Variants in SCLT1 observed in about 807,000 individuals in gnomAD.
SCLT1 encodes sodium channel and clathrin linker 1, also known as sodium channel-associated protein 1.
SCLT1 carries 78 observed loss-of-function variants against 112.8 expected under a neutral mutation model. The observed-to-expected ratio is 0.69, with a 90% CI of 0.58 to 0.83. The LOEUF (loss-of-function observed/expected upper bound fraction) is 0.83. Ranked by LOEUF, SCLT1 falls within the 40% of genes least tolerant of loss-of-function variation. SCLT1 has a pLI of 0.00. For missense variants in SCLT1, 747 were observed against 770.4 expected, an observed-to-expected ratio of 0.97 and a Z score of 0.36; for synonymous variants, 257 against 254.7, an observed-to-expected ratio of 1.01 and a Z score of -0.09.
chr4:128,957,090 A>C lies in SCLT1; in HGVS notation c.1082T>G (p.Ile361Arg), dbSNP rs772529142. ...LLEEKQKEED[I>R]EKMKETVSRF... ...AGAAACTGTCTCTTTCATTTTCTCT[A>C]TGTCTTCTTCTTTTTGCTTCTCCTC... Residue 361 changes from isoleucine (I) to arginine (R), a missense_variant, in exon 13 of 21, where the codon ATA becomes AGA. Ile to Arg is a moderately conservative substitution (Grantham distance 97, BLOSUM62 -3). Transcript: ENST00000281142. The C allele has an allele frequency of 1.9e-5, 30 of 1,601,582 alleles. No individual in the cohort carries two copies. The highest frequency in any genetic ancestry group is 4.5e-5 in the East Asian group (2 of 44,434).
chr4:128,951,986 A>G (rs1329746217), intron 14 of SCLT1, among the ~76,000 whole-genome samples: 4 of 152,130 alleles, frequency 2.6e-5, no homozygotes, highest in Non-Finnish European at 4.4e-5. Context: ...ATTTAAAAAT[A>G]TACTCTGCAA....
At chr4:129,038,635 C>T (rs1747402344) in intron 5 of SCLT1, among the ~76,000 whole-genome samples, 1 of 152,054 alleles carries the variant, frequency 6.6e-6, no homozygotes, top group African/African-American at 2.4e-5. Context: ...CCAGCACTGG[C>T]AACATTTTAA....
intron 18 of SCLT1, among the ~76,000 whole-genome samples, chr4:128,911,464 A>G (rs1735094039): frequency 6.6e-6 from 1 of 152,192 alleles, no homozygotes; most frequent in Non-Finnish European, 1.5e-5. Flanking sequence ...ATAATTATAG[A>G]GGAATTAATA....
intron 18 of SCLT1, among the ~76,000 whole-genome samples, chr4:128,933,748 T>C (rs1019860639): frequency 9.9e-5 from 15 of 152,130 alleles, no homozygotes; most frequent in African/African-American, 3.6e-4. Flanking sequence ...AATTTAGAAC[T>C]ACAAGTTTAT....
At chr4:128,961,274 C>T (rs1579515998) in intron 11 of SCLT1, among the ~76,000 whole-genome samples, 1 of 151,980 alleles carries the variant, frequency 6.6e-6, no homozygotes, top group East Asian at 1.9e-4. Context: ...AGAGAAGAGT[C>T]CAATTTAAGT....
At chr4:128,986,412 T>G (rs1742096507) in intron 9 of SCLT1, among the ~76,000 whole-genome samples, 1 of 152,164 alleles carries the variant, frequency 6.6e-6, no homozygotes, top group Non-Finnish European at 1.5e-5. Context: ...CCACAAGGAC[T>G]GCAGTCCTAA....
chr4:128,901,857 T>C (rs954565902), intron 18 of SCLT1, among the ~76,000 whole-genome samples: 2 of 152,140 alleles, frequency 1.3e-5, no homozygotes, highest in African/African-American at 4.8e-5. Flanking sequence ...TATGTATAGA[T>C]ATGCACATAT....
intron 5 of SCLT1, among the ~76,000 whole-genome samples, chr4:129,024,159 T>A (rs1745777783): frequency 6.6e-6 from 1 of 152,182 alleles, no homozygotes; most frequent in South Asian, 2.1e-4. Context: ...GACTTAAATG[T>A]CCCTGTCTGA....
In SCLT1 at chr4:128,948,505, T is replaced by G. The variant is rs776840382; in HGVS notation, c.1284A>C (p.Glu428Asp). The change falls in exon 15 of 21, where the codon GAA becomes GAC. Residue 428 changes from glutamate (E) to aspartate (D), a missense_variant. Glu to Asp is a conservative substitution (Grantham distance 45, BLOSUM62 2). Transcript: ENST00000281142. Reference protein sequence around the residue: ...VIKEKKAVEEELEKIYREGRG... With the variant: ...VIKEKKAVEEDLEKIYREGRG... ...TCCTTTTTCTTTTTACCTTTTCTAG[T>G]TCTTCTTCCACTGCTTTTTTTTCCT... 146 of 1,607,954 alleles carry G rather than the reference T, an allele frequency of 9.1e-5. No homozygotes were observed. The highest frequency in any genetic ancestry group is 1.2e-4 in the Non-Finnish European group (137 of 1,176,624).
intron 2 of SCLT1, among the ~76,000 whole-genome samples, chr4:129,062,705 T>C (rs1403984491): frequency 6.6e-6 from 1 of 152,168 alleles, no homozygotes; most frequent in East Asian, 1.9e-4. Flanking sequence ...GTACTTTCAA[T>C]ATACCATCCC....
chr4:128,996,740 G>A (rs1057421010), intron 8 of SCLT1, among the ~76,000 whole-genome samples: 2 of 151,370 alleles, frequency 1.3e-5, no homozygotes, highest in Non-Finnish European at 1.5e-5. Flanking sequence ...CAGTTTTCTC[G>A]TATCCAGTTT....
chr4:129,066,615 A>G (rs557006425), intron 2 of SCLT1, among the ~76,000 whole-genome samples: 41 of 152,114 alleles, frequency 2.7e-4, no homozygotes, highest in Non-Finnish European at 4.3e-4. Flanking sequence ...GCAAAATTAA[A>G]GAATTAGACA....
chr4:129,043,446 A>T lies in SCLT1; in HGVS notation c.183T>A (p.Thr61=), dbSNP rs1747887884. 1.3e-6 allele frequency: 2 copies of T among 1,535,180 alleles called. No homozygotes were observed. The highest frequency in any genetic ancestry group is 2.7e-5 in the African/African-American group (2 of 72,730). ...FDQSFLAPLV[T]EYDKHLGELN... ...GTTCTCCTAGGTGTTTATCATACTC[A>T]GTAACAAGAGGAGCTAAAAAGCTAA... Residue 61 remains threonine, a synonymous_variant, in exon 4 of 21, where the codon ACT becomes ACA. Coordinates refer to ENST00000281142, the MANE Select transcript of SCLT1 (RefSeq NM_144643.4).
At chr4:128,956,794 G>T (rs1739251711) in intron 13 of SCLT1, among the ~76,000 whole-genome samples, 1 of 151,994 alleles carries the variant, frequency 6.6e-6, no homozygotes. Flanking sequence ...ATTTTATCCA[G>T]TGGAGGGCTA....
In SCLT1 at chr4:129,019,872, C is replaced by T. The variant is rs188137893; in HGVS notation, c.291-15996G>A. Reference sequence around the variant, plus strand: ...TTATGCTCCTCCAATTAATCATACACATTTTTTTTTTTCCTATCTGGTATT... The same window carrying T: ...TTATGCTCCTCCAATTAATCATACATATTTTTTTTTTTCCTATCTGGTATT... On this transcript the variant is annotated intron_variant, in intron 5 of 20. Coordinates refer to ENST00000281142, the MANE Select transcript of SCLT1 (RefSeq NM_144643.4). Among the ~76,000 whole-genome samples the T allele has an allele frequency of 4.9e-3, 732 of 149,344 alleles. 6 individuals are homozygous for T. Among genetic ancestry groups the T allele is most frequent in the African/African-American group, 0.017 (695 of 41,148 alleles).
intron 5 of SCLT1, among the ~76,000 whole-genome samples, chr4:129,016,060 T>C (rs955738299): frequency 1.3e-5 from 2 of 152,220 alleles, no homozygotes; most frequent in Non-Finnish European, 2.9e-5. Context: ...TTCCATTGTA[T>C]TTTTTCAGTT....
chr4:128,943,202 G>A lies in SCLT1; in HGVS notation c.1440-14C>T, dbSNP rs775272790. ...TCTTCTGAGGAGCTGATTAAAAAAC[G>A]AAATGAAAAGAATCCTTAAACTTAA... is the stretch of plus-strand genomic sequence containing the variant. On this transcript the variant is annotated splice_polypyrimidine_tract_variant and intron_variant, in intron 16 of 20. Coordinates refer to ENST00000281142, the MANE Select transcript of SCLT1 (RefSeq NM_144643.4). 30 of 1,547,072 alleles carry A rather than the reference G, an allele frequency of 1.9e-5. No homozygotes were observed. The highest frequency in any genetic ancestry group is 1.5e-4 in the Admixed American group (8 of 55,050).
At chr4:128,900,431 A>C (rs1579320965) in intron 18 of SCLT1, among the ~76,000 whole-genome samples, 1 of 151,874 alleles carries the variant, frequency 6.6e-6, no homozygotes, top group Admixed American at 6.6e-5. Flanking sequence ...TGGGGAAAGG[A>C]TTCCCTATTT....
intron 18 of SCLT1, among the ~76,000 whole-genome samples, chr4:128,929,722 A>G (rs1266277273): frequency 6.6e-6 from 1 of 152,224 alleles, no homozygotes; most frequent in Non-Finnish European, 1.5e-5. Flanking sequence ...CAAAAGGGGC[A>G]GTGCAAAGTA....
Sources: allele counts gnomAD v4.1 joint callset (sites outside exome capture counted in the v4.1 genomes callset), GRCh38; gene constraint gnomAD v4.1.1; transcripts MANE v1.5; gene names NCBI Gene and HGNC (gene_info 2026-07-23, HGNC 2026-07-21).